Variants in INTS6 observed in about 807,000 individuals in gnomAD.
The protein encoded by INTS6 is integrator complex subunit 6, also known as DEAD box protein.
Under a neutral mutation model 104.9 loss-of-function variants are expected in INTS6, and 16 were observed. The ratio of observed to expected loss-of-function variants is 0.15; its 90% CI spans 0.10 to 0.23. The LOEUF (loss-of-function observed/expected upper bound fraction) is 0.23, where lower values mean the gene tolerates loss of function less well. Ranked by LOEUF, INTS6 falls within the 10% of genes least tolerant of loss-of-function variation. The pLI is 1.00. For missense variants in INTS6, 584 were observed against 1,062.8 expected, an observed-to-expected ratio of 0.55 and a Z score of 6.26; for synonymous variants, 324 against 358.7, an observed-to-expected ratio of 0.90 and a Z score of 1.09.
intron 13 of INTS6, among the ~76,000 whole-genome samples, chr13:51,375,657 T>C (rs1172552536): frequency 6.6e-6 from 1 of 152,000 alleles, no homozygotes; most frequent in Admixed American, 6.6e-5. Context: ...AGTTAAACCA[T>C]CAGATACTGG....
Position 51,452,027 on chromosome 13 carries a change from C to T in INTS6, c.140G>A (p.Gly47Glu). Reference sequence around the variant, plus strand: ...GAAAGTGACCAGCATATACCTGTCTCCTCTGCTGGCAGGGTCCCGGGCACG... The same window carrying T: ...GAAAGTGACCAGCATATACCTGTCTTCTCTGCTGGCAGGGTCCCGGGCACG... ...KLRARDPASR[G>E]DRYMLVTFEE... The change falls in exon 2 of 18, where the codon GGA becomes GAA. Residue 47 changes from glycine to glutamate, a missense_variant. Physicochemically the swap from Gly to Glu is moderately conservative, Grantham distance 98. Around this residue, in one of 5 missense-constraint regions of INTS6, gnomAD observed 70 missense variants for 190.3 expected, o/e 0.37. Coordinates refer to ENST00000311234, the MANE Select transcript of INTS6 (RefSeq NM_012141.3). The surrounding 1 kb of genome is among the most constrained non-coding windows in gnomAD (Gnocchi z 4.2). 2 of 1,610,316 alleles carry T rather than the reference C, an allele frequency of 1.2e-6. No individual in the cohort carries two copies. Among genetic ancestry groups the T allele is most frequent in the Non-Finnish European group, 1.7e-6 (2 of 1,177,922 alleles).
At chr13:51,336,862 G>C in the INTS6 span, among the ~76,000 whole-genome samples, 1 of 152,204 alleles carries the variant, frequency 6.6e-6, no homozygotes, top group Non-Finnish European at 1.5e-5. Context: ...AAAAGTAGAG[G>C]GGCCCAGGTT....
chr13:51,365,762 T>C lies in INTS6; in HGVS notation c.2654A>G (p.Asn885Ser), dbSNP rs1267990811. The C allele has an allele frequency of 1.9e-6, 3 of 1,558,958 alleles. No homozygotes were observed. The highest frequency in any genetic ancestry group is 2.3e-5 in the East Asian group (1 of 44,294). ...ACATTCTATTTTCTTTTAATTGCTATTAATATGGTTGATCTGATTGGCTCT... is the reference window on the plus strand; with the variant it reads ...ACATTCTATTTTCTTTTAATTGCTACTAATATGGTTGATCTGATTGGCTCT... ...HRRANQINHINSN is the reference protein window; with the variant it reads ...HRRANQINHISSN Residue 885 changes from asparagine (N) to serine (S), a missense_variant, in exon 18 of 18, where the codon AAT (asparagine) becomes AGT (serine). Physicochemically the swap from Asn to Ser is conservative, Grantham distance 46. Coordinates refer to ENST00000311234, the MANE Select transcript of INTS6 (RefSeq NM_012141.3).
the INTS6 span, chr13:51,341,311 C>G: frequency 6.2e-7 from 1 of 1,610,332 alleles, no homozygotes; most frequent in Admixed American, 1.7e-5. Context: ...GAGCACTGGT[C>G]AGCAGCTGGC....
At chr13:51,434,675 TTTA>T (rs1287603461) in intron 3 of INTS6, among the ~76,000 whole-genome samples, 2 of 152,126 alleles carry the variant, frequency 1.3e-5, no homozygotes, top group African/African-American at 2.4e-5. Flanking sequence ...CATTAACAAA[TTTA>T]TTTAAGCATG....
the INTS6 span, among the ~76,000 whole-genome samples, chr13:51,336,092 G>T: frequency 2.6e-5 from 4 of 152,128 alleles, no homozygotes; most frequent in African/African-American, 9.7e-5. Flanking sequence ...AACAAAGTAA[G>T]TTATTAACTT....
At chr13:51,442,413 T>G (rs1256946098) in intron 3 of INTS6, 1 of 152,312 alleles carries the variant, frequency 6.6e-6, no homozygotes, top group Non-Finnish European at 1.5e-5. Flanking sequence ...CTGGGATTAC[T>G]AGGCATGAAC....
chr13:51,387,482 T>C lies in INTS6; in HGVS notation c.798A>G (p.Lys266=). The C allele has an allele frequency of 6.2e-7, 1 of 1,613,702 alleles. No homozygotes were observed. Among genetic ancestry groups the C allele is most frequent in the Non-Finnish European group, 8.5e-7 (1 of 1,179,782 alleles). ...TAGGATTTGGTCTGACATATATGAGTTTGTGACAGCTATGCCAAGGCTGAG... is the reference window on the plus strand; with the variant it reads ...TAGGATTTGGTCTGACATATATGAGCTTGTGACAGCTATGCCAAGGCTGAG... ...FGSQPWHSCH[K]LIYVRPNPKT... Residue 266 remains lysine (K), a synonymous_variant, in exon 7 of 18, where the codon AAA becomes AAG. Coordinates refer to ENST00000311234, the MANE Select transcript of INTS6 (RefSeq NM_012141.3).
intron 15 of INTS6, among the ~76,000 whole-genome samples, chr13:51,372,560 C>T (rs1955831313): frequency 1.3e-5 from 2 of 152,130 alleles, no homozygotes; most frequent in Admixed American, 6.5e-5. Context: ...CCCCTCTAGC[C>T]CAATCCTCTT....
chr13:51,450,985 T>G, intron 3 of INTS6, 40 bp downstream of exon 3: 1 of 1,458,436 alleles, frequency 6.9e-7, no homozygotes, highest in East Asian at 2.4e-5. Flanking sequence ...TTCCACAAAA[T>G]GAAAAATCAA....
the INTS6 span, among the ~76,000 whole-genome samples, chr13:51,344,894 G>A: frequency 6.6e-6 from 1 of 152,272 alleles, no homozygotes; most frequent in African/African-American, 2.4e-5. Flanking sequence ...TGGTTTCCTG[G>A]GAATTTAGGT....
the INTS6 span, among the ~76,000 whole-genome samples, chr13:51,335,086 C>G: frequency 6.6e-6 from 1 of 151,690 alleles, no homozygotes; most frequent in African/African-American, 2.4e-5. Context: ...TCAGAACATA[C>G]CCATGTGTAT....
In INTS6 at chr13:51,364,325, T is replaced by C. The variant is rs1289316477; in HGVS notation, c.*1427A>G. 18 of 1,190,704 alleles carry C rather than the reference T, an allele frequency of 1.5e-5. No individual in the cohort carries two copies. The East Asian group carries it at 4.2e-4, about 28-fold the overall frequency. The allele number at this position is 1,190,704 out of a possible 1,614,324, so 73.8% of individuals were successfully genotyped here. A position where few individuals can be genotyped will look rare whatever the true frequency, so the allele number is the denominator to read the frequency against. ...TCATCAATGCTTTTCTTCATAAAGT[T>C]ATAATTTCATTTTGCTATACCCTTG... is the stretch of plus-strand genomic sequence containing the variant. On this transcript the variant is annotated 3_prime_UTR_variant, in exon 18 of 18. Transcript: ENST00000311234.
Position 51,364,071 on chromosome 13 carries a change from G to A in INTS6, c.*1681C>T. On this transcript the variant is annotated 3_prime_UTR_variant, in exon 18 of 18. Coordinates refer to ENST00000311234, the MANE Select transcript of INTS6 (RefSeq NM_012141.3). ...ACAGACAATATATTCTGGATTTTGT[G>A]TAACTCTCAATGAATTTAGCAATGT... The A allele has an allele frequency of 2.5e-6, 1 of 396,092 alleles. No individual in the cohort carries two copies. 24.5% of individuals were successfully genotyped at this position (396,092 alleles called of 1,614,324 possible). A position where few individuals can be genotyped will look rare whatever the true frequency, so the allele number is the denominator to read the frequency against.
chr13:51,371,762 C>A (rs968403042), intron 15 of INTS6, among the ~76,000 whole-genome samples: 1 of 151,984 alleles, frequency 6.6e-6, no homozygotes, highest in Admixed American at 6.6e-5. Context: ...TCCCAATATC[C>A]CCTTCCGTCT....
At position 51,356,538 on chromosome 13, in the gene INTS6, T is replaced by A. The variant is rs185160942; in HGVS notation, n.431-2202A>T. ...TCTTCTACATCGCTGTATTTTCTTCTACATCACTGTATTCCGTGAATCACT... is the reference window on the plus strand; with the variant it reads ...TCTTCTACATCGCTGTATTTTCTTCAACATCACTGTATTCCGTGAATCACT... On this transcript the variant is annotated intron_variant and non_coding_transcript_variant, in intron 3 of 3. Transcript: ENST00000476666. Among the ~76,000 whole-genome samples the A allele has an allele frequency of 2.3e-3, 346 of 152,282 alleles. 2 individuals carry two copies. The highest frequency in any genetic ancestry group is 1.7e-3 in the Non-Finnish European group (117 of 68,012).
chr13:51,369,381 A>T (rs1251354781), intron 15 of INTS6, 71 bp from the exon 16 acceptor site: 1 of 1,427,094 alleles, frequency 7.0e-7, no homozygotes, highest in Non-Finnish European at 9.4e-7. Flanking sequence ...AAGCTACAAA[A>T]GAACATTACT....
intron 4 of INTS6, among the ~76,000 whole-genome samples, chr13:51,413,944 C>T (rs975886305): frequency 6.6e-6 from 1 of 152,206 alleles, no homozygotes; most frequent in African/African-American, 2.4e-5. Flanking sequence ...GTCTCTCCTT[C>T]CTTCTACTAA....
chr13:51,344,522 A>G, the INTS6 span: 1 of 1,471,576 alleles, frequency 6.8e-7, no homozygotes, highest in Non-Finnish European at 9.3e-7. Context: ...AGGCTAAGGC[A>G]GAGGGCTGCA....
Sources: gnomAD v4.1 joint callset for allele counts (sites outside exome capture counted in the v4.1 genomes callset) on GRCh38, gnomAD v4.1.1 for gene constraint, gnomAD v4.1.1 regional missense constraint, Gnocchi (gnomAD v3.1) non-coding constraint, MANE v1.5 for transcripts, NCBI Gene and HGNC (gene_info 2026-07-23, HGNC 2026-07-21) for gene names.